ENTPD7: variants seen among roughly 807,000 people sequenced by gnomAD.
The protein encoded by ENTPD7 is ectonucleoside triphosphate diphosphohydrolase 7.
In ENTPD7, 53 loss-of-function variants were observed where a neutral mutation model predicts 77.9. The ratio of observed to expected loss-of-function variants is 0.68; its 90% confidence interval spans 0.55 to 0.85. The LOEUF is 0.85. Ranked by LOEUF, ENTPD7 falls within the 40% of genes least tolerant of loss-of-function variation. The probability of loss-of-function intolerance (pLI) is 0.00; values close to 1 mark genes in which losing one functional copy is unlikely to be tolerated. For missense variants in ENTPD7, 636 were observed against 743.7 expected (o/e 0.86, Z 1.68); for synonymous variants, 248 against 274.9 (o/e 0.90, Z 0.97).
intron 3 of ENTPD7, among the ~76,000 whole-genome samples, chr10:99,666,829 G>A (rs1421756881): frequency 6.6e-6 from 1 of 152,190 alleles, no homozygotes; most frequent in Non-Finnish European, 1.5e-5. Flanking sequence ...TACTGAAAGT[G>A]AAAAACAGAA....
Position 99,703,254 on chromosome 10 carries a change from C to A in ENTPD7, c.1583+581C>A, listed in dbSNP as rs553541269. On this transcript the variant is annotated intron_variant, in intron 12 of 12. Coordinates refer to ENST00000370489, the MANE Select transcript of ENTPD7 (RefSeq NM_020354.5). ...TTGGGACAATTTTTAGGTACCTGTA[C>A]CCTGGACTATTTCAGATAAACTCAG... Among the ~76,000 whole-genome samples the A allele has an allele frequency of 1.3e-4, 20 of 152,142 alleles. No individual in the cohort carries two copies. In the South Asian group the frequency reaches 2.5e-3, roughly 19 times the overall value.
At chr10:99,695,320 C>T (rs990073683) in intron 8 of ENTPD7, among the ~76,000 whole-genome samples, 1 of 151,948 alleles carries the variant, frequency 6.6e-6, no homozygotes, top group Non-Finnish European at 1.5e-5. Context: ...GTCAAGAGAT[C>T]GAGAACATCC....
At chr10:99,661,748 T>G (rs1405801626) in intron 3 of ENTPD7, 120 bp downstream of exon 3, 6 of 889,070 alleles carry the variant, frequency 6.7e-6, no homozygotes, top group Non-Finnish European at 8.1e-6. Context: ...TTGCATGCCA[T>G]TTATTACATA....
chr10:99,702,497 AT>A lies in ENTPD7; in HGVS notation c.1422-10del. ...TTTTCTCTTTTTTTAAAATTTAATT[AT>A]TTTTGTCACACAGATATCAGTGTTT... On this transcript the variant is annotated splice_polypyrimidine_tract_variant and intron_variant, in intron 11 of 12. Coordinates refer to ENST00000370489, the MANE Select transcript of ENTPD7 (RefSeq NM_020354.5). 1.3e-6 allele frequency: 2 copies of A among 1,517,696 alleles called. No homozygotes were observed. Among genetic ancestry groups the A allele is most frequent in the East Asian group, 2.5e-5 (1 of 40,440 alleles). The allele number at this position is 1,517,696 out of a possible 1,614,324, so 94.0% of individuals were successfully genotyped here.
intron 3 of ENTPD7, among the ~76,000 whole-genome samples, chr10:99,669,321 A>G (rs2035589403): frequency 6.6e-6 from 1 of 152,212 alleles, no homozygotes; most frequent in Non-Finnish European, 1.5e-5. Flanking sequence ...CATTGAAAAC[A>G]GATATTTCAA....
At position 99,706,680 on chromosome 10, in the gene ENTPD7, A is replaced by G. The variant is rs2036260755; in HGVS notation, c.*1997A>G. ...CTTACCTTTCATTAGGGTTTCTTTC[A>G]TAGCAATTTCCTTTGGTTTTTAAGA... On this transcript the variant is annotated 3_prime_UTR_variant, in exon 13 of 13. Coordinates refer to ENST00000370489, the MANE Select transcript of ENTPD7 (RefSeq NM_020354.5). Among the ~76,000 whole-genome samples, 1 of 152,036 alleles carries G rather than the reference A, an allele frequency of 6.6e-6. No individual in the cohort carries two copies. Among genetic ancestry groups the G allele is most frequent in the African/African-American group, 2.4e-5 (1 of 41,390 alleles).
chr10:99,692,922 T>G (rs1414202609), intron 8 of ENTPD7, among the ~76,000 whole-genome samples: 1 of 152,110 alleles, frequency 6.6e-6, no homozygotes, highest in Non-Finnish European at 1.5e-5. Context: ...GTGAAAAAAT[T>G]TTTGTGTCAG....
intron 5 of ENTPD7, among the ~76,000 whole-genome samples, chr10:99,684,011 G>A (rs1156654461): frequency 2.0e-5 from 3 of 152,156 alleles, no homozygotes; most frequent in African/African-American, 7.2e-5. Context: ...GAAACATTTT[G>A]AAGCATGGTC....
At chr10:99,663,754 C>T (rs1420180607) in intron 3 of ENTPD7, among the ~76,000 whole-genome samples, 1 of 152,086 alleles carries the variant, frequency 6.6e-6, no homozygotes, top group African/African-American at 2.4e-5. Flanking sequence ...GGTCACCGTG[C>T]CCTGCTTACC....
chr10:99,709,266 T>C lies in ENTPD7; in HGVS notation c.*4583T>C, dbSNP rs892668272. ...AACAGAGGGCTGTTTCTTTTTGTTG[T>C]CTTTAAACTTTTCAAATTAATTCAA... On this transcript the variant is annotated 3_prime_UTR_variant, in exon 13 of 13. Transcript: ENST00000370489. The C allele has an allele frequency of 1.0e-6, 1 of 985,388 alleles. No individual in the cohort carries two copies. Among genetic ancestry groups the C allele is most frequent in the Non-Finnish European group, 1.2e-6 (1 of 829,878 alleles). 61.0% of individuals were successfully genotyped at this position (985,388 alleles called of 1,614,324 possible).
rs2036215401 is a variant in ENTPD7, at chr10:99,704,656, C to T, written c.1788C>T (p.Pro596=). Residue 596 remains proline (P), a synonymous_variant, in exon 13 of 13, where the codon CCC becomes CCT. Transcript: ENST00000370489. ...LDLLWLEEVV[P]MMGVQVGP ...TGCTGTGGCTTGAAGAGGTGGTGCC[C>T]ATGATGGGAGTACAGGTGGGGCCGT... The T allele has an allele frequency of 1.2e-6, 2 of 1,613,794 alleles. No homozygotes were observed. The highest frequency in any genetic ancestry group is 4.5e-5 in the East Asian group (2 of 44,852).
intron 4 of ENTPD7, 129 bp downstream of exon 4, chr10:99,679,595 T>A: frequency 3.5e-6 from 5 of 1,423,010 alleles, no homozygotes; most frequent in Non-Finnish European, 4.7e-6. Flanking sequence ...TCTTTCATTG[T>A]CACCCCCTAC....
At chr10:99,660,617 A>C (rs570491222) in intron 2 of ENTPD7, 1 of 230,960 alleles carries the variant, frequency 4.3e-6, no homozygotes, top group African/African-American at 2.3e-5. Context: ...TATCCGTAGA[A>C]TATCCCTGGA....
chr10:99,694,687 C>T (rs1468779287), intron 8 of ENTPD7, among the ~76,000 whole-genome samples: 2 of 152,066 alleles, frequency 1.3e-5, no homozygotes, highest in Non-Finnish European at 2.9e-5. Flanking sequence ...CAGGCACCCA[C>T]CACCATGCCT....
At chr10:99,696,712 CTTTT>C (rs1348866632) in intron 9 of ENTPD7, among the ~76,000 whole-genome samples, 1 of 152,106 alleles carries the variant, frequency 6.6e-6, no homozygotes, top group African/African-American at 2.4e-5. Context: ...TTTCTTGTTT[CTTTT>C]TTGTTTTTTA....
At chr10:99,663,078 T>G (rs2035506065) in intron 3 of ENTPD7, among the ~76,000 whole-genome samples, 1 of 150,958 alleles carries the variant, frequency 6.6e-6, no homozygotes, top group Non-Finnish European at 1.5e-5. Flanking sequence ...TAGATCCATA[T>G]TTCCATCTGG....
chr10:99,688,727 T>C lies in ENTPD7; in HGVS notation c.686T>C (p.Leu229Ser). The stretch of plus-strand genomic sequence containing the variant: ...GCATGGATTGGAATCAACTTTGTTT[T>C]GGGAAGATTCGACCACGAGGATGGT... ...VYAWIGINFV[L>S]GRFDHEDESD... Residue 229 changes from leucine to serine, a missense_variant, in exon 7 of 13, where the codon TTG (leucine) becomes TCG (serine). Physicochemically the swap from Leu to Ser is moderately radical, Grantham distance 145 (BLOSUM62 -2). Coordinates refer to ENST00000370489, the MANE Select transcript of ENTPD7 (RefSeq NM_020354.5). 6.2e-7 allele frequency: 1 copy of C among 1,614,004 alleles called. No homozygotes were observed. Among genetic ancestry groups the C allele is most frequent in the African/African-American group, 1.3e-5 (1 of 75,066 alleles).
chr10:99,698,967 T>C (rs1315511707), intron 10 of ENTPD7, 109 bp downstream of exon 10: 3 of 1,039,122 alleles, frequency 2.9e-6, no homozygotes, highest in African/African-American at 1.6e-5. Context: ...ATCTCACTTG[T>C]TCTTTGCAGG....
intron 5 of ENTPD7, among the ~76,000 whole-genome samples, chr10:99,680,304 C>T (rs980229033): frequency 6.6e-6 from 1 of 152,130 alleles, no homozygotes; most frequent in African/African-American, 2.4e-5. Flanking sequence ...TCTCCATTGC[C>T]TTAGGCCTGT....
Sources: gnomAD v4.1 joint callset for allele counts (sites outside exome capture counted in the v4.1 genomes callset) on GRCh38, gnomAD v4.1.1 for gene constraint, MANE v1.5 for transcripts, NCBI Gene and HGNC (gene_info 2026-07-23, HGNC 2026-07-21) for gene names.